Variants in PTPRC observed in about 807,000 individuals in gnomAD.
The protein encoded by PTPRC is receptor-type tyrosine-protein phosphatase C.
Under a neutral mutation model 155.9 loss-of-function variants are expected in PTPRC, and 44 were observed. The observed-to-expected ratio is 0.28, with a 90% CI of 0.22 to 0.36. PTPRC has a LOEUF of 0.36. Among genes scored for constraint, PTPRC ranks in the 10% least tolerant of loss-of-function variants. The pLI, the probability that PTPRC is intolerant of heterozygous loss-of-function variation, is 1.00. For synonymous variants in PTPRC, 525 were observed against 533.1 expected, an observed-to-expected ratio of 0.98 and a Z score of 0.21; for missense variants, 1,401 against 1,564.6, an observed-to-expected ratio of 0.90 and a Z score of 1.76.
Position 198,665,953 on chromosome 1 carries a change from T to A in PTPRC, c.74-26394T>A, listed in dbSNP as rs1472735360. Among the ~76,000 whole-genome samples, 5 of 152,240 alleles carry A rather than the reference T, an allele frequency of 3.3e-5. No homozygotes were observed. In the East Asian group the frequency reaches 9.6e-4, roughly 29 times the overall value. ...TTTACCAGCAAAGGGCAGGTCATCA[T>A]CATTCAATATGCTCAAATACTCACA... is the stretch of plus-strand genomic sequence containing the variant. On this transcript the variant is annotated intron_variant, in intron 2 of 32. Transcript: ENST00000442510.
rs189253507 is a variant in PTPRC, at chr1:198,669,895, A to C, written c.74-22452A>C. 3.4e-4 allele frequency among the ~76,000 whole-genome samples: 52 copies of C among 152,258 alleles called. 1 individual carries two copies. Among genetic ancestry groups the C allele is most frequent in the African/African-American group, 1.2e-3 (49 of 41,552 alleles). On this transcript the variant is annotated intron_variant, in intron 2 of 32. Coordinates refer to ENST00000442510, the MANE Select transcript of PTPRC (RefSeq NM_002838.5). ...TTACTCTCATCATTATGAAAATCAC[A>C]TTTGTGAAAGGAAATGAATTTATAT... is the stretch of plus-strand genomic sequence containing the variant.
At position 198,692,077 on chromosome 1, in the gene PTPRC, T is replaced by G. The variant is rs12064635; in HGVS notation, c.74-270T>G. 0.017 allele frequency among the ~76,000 whole-genome samples: 2,544 copies of G among 152,210 alleles called. 65 individuals carry two copies. Among genetic ancestry groups the G allele is most frequent in the African/African-American group, 0.058 (2,424 of 41,548 alleles). On this transcript the variant is annotated intron_variant, in intron 2 of 32. Transcript: ENST00000442510. ...TCAAAAGTCTTTTGCAGGCTTGAAA[T>G]TAATCCCAATAGTGATCCTTTAGTC...
At chr1:198,719,673 T>A (rs1424975340) in intron 14 of PTPRC, among the ~76,000 whole-genome samples, 2 of 151,952 alleles carry the variant, frequency 1.3e-5, no homozygotes, top group Non-Finnish European at 2.9e-5. Context: ...TGTGGTGGCG[T>A]GATCTCGGCT....
At chr1:198,641,525 C>T (rs1443964079) in intron 2 of PTPRC, among the ~76,000 whole-genome samples, 1 of 152,026 alleles carries the variant, frequency 6.6e-6, no homozygotes, top group African/African-American at 2.4e-5. Flanking sequence ...CACACACGGA[C>T]AAGGCCAAAG....
intron 15 of PTPRC, among the ~76,000 whole-genome samples, chr1:198,726,526 T>C (rs547609152): frequency 6.6e-6 from 1 of 152,212 alleles, no homozygotes; most frequent in Non-Finnish European, 1.5e-5. Flanking sequence ...ATTTAATCTA[T>C]TTGCCCTATG....
In PTPRC at chr1:198,756,294, A is replaced by ATAT. The variant is rs1331939536; in HGVS notation, c.*115_*117dup. 2.2e-5 allele frequency: 30 copies of ATAT among 1,341,246 alleles called. No homozygotes were observed. In the African/African-American group the frequency reaches 3.8e-4, roughly 17 times the overall value. The allele number at this position is 1,341,246 out of a possible 1,614,324, so 83.1% of individuals were successfully genotyped here. A position where few individuals can be genotyped will look rare whatever the true frequency, so the allele number is the denominator to read the frequency against. ...TGGATTAATTAAATGCAGCGAACCA[A>ATAT]TATTTGTAGAAGGGTTATATTTTAC... On this transcript the variant is annotated 3_prime_UTR_variant, in exon 33 of 33. Coordinates refer to ENST00000442510, the MANE Select transcript of PTPRC (RefSeq NM_002838.5).
intron 22 of PTPRC, 95 bp from the exon 23 acceptor site, chr1:198,735,032 T>C: frequency 4.6e-6 from 5 of 1,095,168 alleles, no homozygotes; most frequent in Non-Finnish European, 5.3e-6. Context: ...GAATTTCAAA[T>C]GAGTATAGGT....
intron 2 of PTPRC, among the ~76,000 whole-genome samples, chr1:198,674,565 CAT>C (rs1301691792): frequency 3.4e-5 from 5 of 148,018 alleles, no homozygotes; most frequent in Admixed American, 6.8e-5. Flanking sequence ...TATATAATAA[CAT>C]ATAATTATAA....
At chr1:198,648,813 T>C (rs993075677) in intron 2 of PTPRC, among the ~76,000 whole-genome samples, 4 of 151,990 alleles carry the variant, frequency 2.6e-5, no homozygotes, top group Admixed American at 6.6e-5. Flanking sequence ...TGAGTCTGTC[T>C]TGAGGTGAGT....
At chr1:198,714,246 C>G (rs1305940546) in intron 12 of PTPRC, among the ~76,000 whole-genome samples, 1 of 151,974 alleles carries the variant, frequency 6.6e-6, no homozygotes, top group African/African-American at 2.4e-5. Context: ...CTGCATTCCT[C>G]AATGTCTACA....
At chr1:198,747,528 A>C (rs1176618595) in intron 26 of PTPRC, among the ~76,000 whole-genome samples, 1 of 151,850 alleles carries the variant, frequency 6.6e-6, no homozygotes, top group Admixed American at 6.6e-5. Context: ...CAAAGAGGCC[A>C]GTTAGGAAAT....
At chr1:198,693,940 G>A in intron 3 of PTPRC, 1 of 1,468,152 alleles carries the variant, frequency 6.8e-7, no homozygotes, top group South Asian at 1.4e-5. Context: ...TAGAGGGACA[G>A]AACTAATAGG....
intron 14 of PTPRC, 104 bp downstream of exon 14, chr1:198,718,406 G>C: frequency 1.0e-6 from 1 of 972,502 alleles, no homozygotes; most frequent in South Asian, 1.4e-5. Context: ...AGATTGAGAA[G>C]CTCTGATGTG....
At chr1:198,690,624 T>G (rs947584223) in intron 2 of PTPRC, among the ~76,000 whole-genome samples, 2 of 152,072 alleles carry the variant, frequency 1.3e-5, no homozygotes, top group Non-Finnish European at 2.9e-5. Flanking sequence ...CATTGAAGAA[T>G]ACGGGGTGAT....
chr1:198,653,115 T>G (rs192509158), intron 2 of PTPRC, among the ~76,000 whole-genome samples: 1 of 151,994 alleles, frequency 6.6e-6, no homozygotes, highest in Admixed American at 6.6e-5. Context: ...TAACTGTACA[T>G]ATCTTCCCAT....
intron 2 of PTPRC, chr1:198,679,907 C>T: frequency 1.6e-6 from 1 of 608,090 alleles, no homozygotes; most frequent in Non-Finnish European, 2.9e-6. Context: ...GGTCTGTTAA[C>T]CTAGGTGGGC....
intron 25 of PTPRC, among the ~76,000 whole-genome samples, chr1:198,743,658 T>TAAC (rs1380794326): frequency 2.0e-5 from 3 of 151,858 alleles, no homozygotes; most frequent in Non-Finnish European, 4.4e-5. Context: ...TTCTAAGGAA[T>TAAC]AACAACTTGC....
intron 2 of PTPRC, among the ~76,000 whole-genome samples, chr1:198,688,169 T>C (rs1483337125): frequency 6.6e-6 from 1 of 152,128 alleles, no homozygotes; most frequent in Admixed American, 6.6e-5. Flanking sequence ...TACAATGTTT[T>C]AGTGTCACCT....
At chr1:198,742,400 T>G (rs747893107) in intron 25 of PTPRC, 33 bp downstream of exon 25, 1 of 1,609,774 alleles carries the variant, frequency 6.2e-7, no homozygotes, top group African/African-American at 1.3e-5. Context: ...TATTCTCACT[T>G]TGGTTTTTTG....
Sources: allele counts gnomAD v4.1 joint callset (sites outside exome capture counted in the v4.1 genomes callset), GRCh38; gene constraint gnomAD v4.1.1; transcripts MANE v1.5; gene names NCBI Gene and HGNC (gene_info 2026-07-23, HGNC 2026-07-21).